MAPK10: variants seen among roughly 807,000 people sequenced by gnomAD.
MAPK10 encodes JNK3 alpha protein kinase.
Under a neutral mutation model 59.3 loss-of-function variants are expected in MAPK10, and 25 were observed. The observed-to-expected ratio is 0.42, with a 90% CI of 0.31 to 0.59. The LOEUF (loss-of-function observed/expected upper bound fraction) is 0.59. Among genes scored for constraint, MAPK10 ranks in the 20% least tolerant of loss-of-function variants. The probability of loss-of-function intolerance (pLI) is 0.15; values close to 1 mark genes in which losing one functional copy is unlikely to be tolerated. For missense variants in MAPK10, 351 were observed against 568.9 expected (o/e 0.62, Z 3.90); for synonymous variants, 190 against 200.5 (o/e 0.95, Z 0.44).
At chr4:86,423,196 A>T (rs536283297) in intron 1 of MAPK10, among the ~76,000 whole-genome samples, 1 of 152,194 alleles carries the variant, frequency 6.6e-6, no homozygotes, top group Non-Finnish European at 1.5e-5. Context: ...AGATAGCAGC[A>T]TTCTAAGAAT....
chr4:86,592,370 G>A lies in MAPK10; in HGVS notation c.-263+1540C>T, dbSNP rs181413807. Among the ~76,000 whole-genome samples, 889 of 151,302 alleles carry A rather than the reference G, an allele frequency of 5.9e-3. 6 individuals are homozygous for A. Among genetic ancestry groups the A allele is most frequent in the African/African-American group, 0.019 (790 of 41,332 alleles). ...ATGGCCTTAATAAAAAAAAAAACAC[G>A]AAGAAGAAAAAGAAAAGGAAAAAAG... is the stretch of plus-strand genomic sequence containing the variant. On this transcript the variant is annotated intron_variant, in intron 1 of 4. Coordinates refer to the MAPK10 transcript ENST00000502302.
At position 86,055,996 on chromosome 4, in the gene MAPK10, C is replaced by G. The variant is rs1264550036; in HGVS notation, c.1110+8270G>C. On this transcript the variant is annotated intron_variant, in intron 11 of 13. Transcript: ENST00000641462. ...TGTGGGGAAAATCAGGAAACAAAAACTGTAGTTTCAGAATTTCAGATGGAT... is the reference window on the plus strand; with the variant it reads ...TGTGGGGAAAATCAGGAAACAAAAAGTGTAGTTTCAGAATTTCAGATGGAT... Among the ~76,000 whole-genome samples, 2 of 150,060 alleles carry G rather than the reference C, an allele frequency of 1.3e-5. 1 individual carries two copies. Among genetic ancestry groups the G allele is most frequent in the Non-Finnish European group, 3.0e-5 (2 of 67,608 alleles).
chr4:86,507,653 T>TAC lies in MAPK10; in HGVS notation c.-263+86256_-263+86257insGT, dbSNP rs1241540267. ...ATATATATATATATATATATATATA[T>TAC]ATATATATATATATATATAAAATCA... is the stretch of plus-strand genomic sequence containing the variant. On this transcript the variant is annotated intron_variant, in intron 1 of 4. Transcript: ENST00000502302. Among the ~76,000 whole-genome samples, 46 of 88,924 alleles carry TAC rather than the reference T, an allele frequency of 5.2e-4. 2 individuals are homozygous for TAC. The highest frequency in any genetic ancestry group is 1.0e-3 in the South Asian group (3 of 2,930). 58.3% of individuals were successfully genotyped at this position (88,924 alleles called of 152,430 possible).
Position 86,011,735 on chromosome 4 carries a change from GT to G in MAPK10, c.*5492del, listed in dbSNP as rs1176275052. On this transcript the variant is annotated 3_prime_UTR_variant, in exon 14 of 14. Coordinates refer to ENST00000641462, the MANE Select transcript of MAPK10 (RefSeq NM_138982.4). ...GCTGTTCCAGAGATAACAAAAAGCT[GT>G]TGCTTTCTATATTCCAACAGGAACT... is the stretch of plus-strand genomic sequence containing the variant. The G allele has an allele frequency of 6.6e-6, 1 of 152,144 alleles. No homozygotes were observed. Among genetic ancestry groups the G allele is most frequent in the Non-Finnish European group, 1.5e-5 (1 of 68,020 alleles). The allele number at this position is 152,144 out of a possible 1,614,324, so 9.4% of individuals were successfully genotyped here.
chr4:86,196,709 G>T (rs115552024), intron 2 of MAPK10, among the ~76,000 whole-genome samples: 12,905 of 151,982 alleles, frequency 0.085, 1,200 homozygotes, highest in African/African-American at 0.23. Context: ...TGTTTAAGTC[G>T]GTAATCCATC....
intron 2 of MAPK10, among the ~76,000 whole-genome samples, chr4:86,229,105 C>T (rs1408928240): frequency 6.6e-6 from 1 of 152,190 alleles, no homozygotes; most frequent in African/African-American, 2.4e-5. Context: ...CAGCAACACT[C>T]TGTTGAAATT....
At chr4:86,564,576 C>T (rs1033960149) in intron 1 of MAPK10, among the ~76,000 whole-genome samples, 1 of 152,124 alleles carries the variant, frequency 6.6e-6, no homozygotes. Flanking sequence ...TGAATGGAGA[C>T]ATGCACAGAC....
At chr4:86,172,676 T>C (rs1451221603) in intron 3 of MAPK10, among the ~76,000 whole-genome samples, 1 of 151,062 alleles carries the variant, frequency 6.6e-6, no homozygotes, top group Non-Finnish European at 1.5e-5. Flanking sequence ...TATACATATG[T>C]AACTAACCTG....
rs1452073721 is a variant in MAPK10, at chr4:86,049,945, T to A, written c.1110+14321A>T. Among the ~76,000 whole-genome samples, 3 of 150,950 alleles carry A rather than the reference T, an allele frequency of 2.0e-5. No homozygotes were observed. The East Asian group carries it at 5.9e-4, about 30-fold the overall frequency. ...CTGCAGCTTGGGTACCCTCTGGGAA[T>A]GACTTAAAAGGTGTTTCCTGACCAG... is the stretch of plus-strand genomic sequence containing the variant. On this transcript the variant is annotated intron_variant, in intron 11 of 13. Transcript: ENST00000641462.
At chr4:86,493,853 T>C (rs1579390808) in intron 1 of MAPK10, among the ~76,000 whole-genome samples, 1 of 152,274 alleles carries the variant, frequency 6.6e-6, no homozygotes. Context: ...CTTTTTCCAA[T>C]ACCCAAGAGA....
At chr4:86,224,298 C>A (rs374195807) in intron 2 of MAPK10, among the ~76,000 whole-genome samples, 2 of 152,100 alleles carry the variant, frequency 1.3e-5, no homozygotes, top group South Asian at 2.1e-4. Flanking sequence ...TCAACTGTGA[C>A]AAATGCCGGG....
chr4:86,116,913 C>G (rs754443850), intron 4 of MAPK10, among the ~76,000 whole-genome samples: 1 of 152,184 alleles, frequency 6.6e-6, no homozygotes, highest in Non-Finnish European at 1.5e-5. Context: ...TTCCCAGATT[C>G]ATTATGTAGG....
At position 86,406,034 on chromosome 4, in the gene MAPK10, A is replaced by G. The variant is rs6824346; in HGVS notation, c.-122+46996T>C. On this transcript the variant is annotated intron_variant, in intron 1 of 13. Transcript: ENST00000361569. ...TTACACAAAGGTGTAAATGATTAAT[A>G]TAAGACTATCACGTAAGAGGACTGA... Among the ~76,000 whole-genome samples, 934 of 152,344 alleles carry G rather than the reference A, an allele frequency of 6.1e-3. 5 individuals are homozygous for G. The highest frequency in any genetic ancestry group is 0.02 in the African/African-American group (836 of 41,588).
At chr4:86,344,024 T>C (rs1564569976) in intron 2 of MAPK10, among the ~76,000 whole-genome samples, 1 of 152,252 alleles carries the variant, frequency 6.6e-6, no homozygotes, top group African/African-American at 2.4e-5. Flanking sequence ...TCTTTAGGTT[T>C]CTCATTACCT....
At chr4:86,065,557 T>C (rs2046574677) in intron 10 of MAPK10, 1 of 152,210 alleles carries the variant, frequency 6.6e-6, no homozygotes, top group Non-Finnish European at 1.5e-5. Context: ...TTATTATACT[T>C]TAAGTTCTGG....
intron 1 of MAPK10, among the ~76,000 whole-genome samples, chr4:86,546,556 T>TAAAAA (rs11386733): frequency 7.3e-6 from 1 of 136,988 alleles, no homozygotes; most frequent in Non-Finnish European, 1.6e-5. Flanking sequence ...AAACTCCTTC[T>TAAAAA]AAAAAAAAAA....
intron 1 of MAPK10, among the ~76,000 whole-genome samples, chr4:86,553,967 C>A (rs1760062849): frequency 6.6e-6 from 1 of 151,518 alleles, no homozygotes; most frequent in Non-Finnish European, 1.5e-5. Flanking sequence ...GCTTCAAACT[C>A]CTAGGCTCAA....
chr4:86,443,037 C>A (rs918082294), intron 1 of MAPK10, among the ~76,000 whole-genome samples: 2 of 152,140 alleles, frequency 1.3e-5, no homozygotes, highest in African/African-American at 4.8e-5. Context: ...CTGAGAACCA[C>A]AACTTCCCTG....
At chr4:86,161,286 A>T (rs2069554684) in intron 3 of MAPK10, among the ~76,000 whole-genome samples, 1 of 152,088 alleles carries the variant, frequency 6.6e-6, no homozygotes, top group African/African-American at 2.4e-5. Context: ...GAGATAGGGA[A>T]TTAAACAAGA....
Sources: allele counts gnomAD v4.1 joint callset (sites outside exome capture counted in the v4.1 genomes callset), GRCh38; gene constraint gnomAD v4.1.1; transcripts MANE v1.5; gene names NCBI Gene and HGNC (gene_info 2026-07-23, HGNC 2026-07-21).